The following KASH5 variants were observed in gnomAD, a reference collection of about 807,000 sequenced individuals.
The protein encoded by KASH5 is protein KASH5.
In KASH5, 72 loss-of-function variants were observed where a neutral mutation model predicts 84.2. The observed-to-expected ratio is 0.85, with a 90% CI of 0.71 to 1.04. The LOEUF (loss-of-function observed/expected upper bound fraction) is 1.04, where lower values mean the gene tolerates loss of function less well. Ranked by LOEUF, KASH5 falls within the 50% of genes least tolerant of loss-of-function variation. The pLI, the probability that KASH5 is intolerant of heterozygous loss-of-function variation, is 0.00. For synonymous variants in KASH5, 260 were observed against 279.1 expected, an observed-to-expected ratio of 0.93 and a Z score of 0.68; for missense variants, 650 against 701.0, an observed-to-expected ratio of 0.93 and a Z score of 0.82.
chr19:49,399,089 G>A lies in KASH5; in HGVS notation c.694G>A (p.Ala232Thr), dbSNP rs200512426. Reference protein sequence around the residue: ...DEELEDLKTLARSLEEQNRSL... With the variant: ...DEELEDLKTLTRSLEEQNRSL... Reference sequence around the variant, plus strand: ...GGAGCTGGAGGACCTGAAGACTCTGGCCAGGAGCCTGGAGGAACAGAATCG... The same window carrying A: ...GGAGCTGGAGGACCTGAAGACTCTGACCAGGAGCCTGGAGGAACAGAATCG... Residue 232 changes from alanine to threonine, a missense_variant, in exon 8 of 20, where the codon GCC (alanine) becomes ACC (threonine). Ala to Thr is a moderately conservative substitution (Grantham distance 58, BLOSUM62 0). Transcript: ENST00000447857. This position sits in a 1 kb window ranked among gnomAD's most constrained non-coding sequence, Gnocchi z 4.4. 6.4e-7 allele frequency: 1 copy of A among 1,551,728 alleles called. No homozygotes were observed. Among genetic ancestry groups the A allele is most frequent in the Non-Finnish European group, 8.7e-7 (1 of 1,147,016 alleles).
In KASH5 at chr19:49,416,132, C is replaced by T. The variant is rs543449414; in HGVS notation, c.1375-883C>T. On this transcript the variant is annotated intron_variant, in intron 17 of 19. Transcript: ENST00000447857. The surrounding 1 kb of genome is among the most constrained non-coding windows in gnomAD (Gnocchi z 5.4). ...AATAAAAAATCATATTTCAGTATAG[C>T]AACCATGAGCAATTAGAAAAATAAA... Among the ~76,000 whole-genome samples, 2 of 152,304 alleles carry T rather than the reference C, an allele frequency of 1.3e-5. No individual in the cohort carries two copies. The highest frequency in any genetic ancestry group is 4.8e-5 in the African/African-American group (2 of 41,570).
intron 2 of KASH5, among the ~76,000 whole-genome samples, chr19:49,392,839 G>A (rs768514332): frequency 6.6e-6 from 1 of 151,906 alleles, no homozygotes; most frequent in South Asian, 2.1e-4. Flanking sequence ...TTGAACCTTG[G>A]AGGCAGAAGT....
intron 1 of KASH5, among the ~76,000 whole-genome samples, chr19:49,388,711 C>T (rs1398167699): frequency 6.6e-6 from 1 of 150,554 alleles, no homozygotes; most frequent in East Asian, 1.9e-4. Context: ...AAAAAAAAAT[C>T]CTGACCACAT....
rs1974959164 is a variant in KASH5 at position 49,417,756 on chromosome 19, G to T, written c.*246G>T. The stretch of plus-strand genomic sequence containing the variant: ...ATTATTCCCTCACAAAACAAGCCTG[G>T]CGAGGGCAGCTGTGGGCACACAGCT... On this transcript the variant is annotated 3_prime_UTR_variant, in exon 20 of 20. Coordinates refer to ENST00000447857, the MANE Select transcript of KASH5 (RefSeq NM_144688.5). The surrounding 1 kb of genome is among the most constrained non-coding windows in gnomAD (Gnocchi z 5.2). 2.2e-6 allele frequency: 1 copy of T among 455,044 alleles called. No homozygotes were observed. Among genetic ancestry groups the T allele is most frequent in the Non-Finnish European group, 3.6e-6 (1 of 277,464 alleles). 28.2% of individuals were successfully genotyped at this position (455,044 alleles called of 1,614,324 possible).
intron 15 of KASH5, among the ~76,000 whole-genome samples, chr19:49,411,904 G>A (rs992808681): frequency 6.8e-6 from 1 of 146,314 alleles, no homozygotes; most frequent in Non-Finnish European, 1.5e-5. Flanking sequence ...TGGAAGGAGG[G>A]AGGGAGGGAA....
intron 6 of KASH5, 69 bp downstream of exon 6, chr19:49,397,786 G>A (rs560708116): frequency 1.0e-5 from 16 of 1,558,116 alleles, no homozygotes; most frequent in Non-Finnish European, 1.3e-5. Context: ...GCCGAGGCCC[G>A]GGTAGGGCTT....
intron 9 of KASH5, among the ~76,000 whole-genome samples, chr19:49,401,336 G>A (rs983243469): frequency 6.6e-6 from 1 of 152,122 alleles, no homozygotes; most frequent in Non-Finnish European, 1.5e-5. Flanking sequence ...AGAGAAACAG[G>A]AGAGAGATTC....
chr19:49,395,719 G>T lies in KASH5; in HGVS notation c.336-50G>T. On this transcript the variant is annotated intron_variant, in intron 4 of 19. Coordinates refer to ENST00000447857, the MANE Select transcript of KASH5 (RefSeq NM_144688.5). The surrounding 1 kb of genome is among the most constrained non-coding windows in gnomAD (Gnocchi z 4.4). ...AATCCCCCTGCCTGTGGCTGGTGAGGACTGAGGGGCAGCTACAGTGGGGCG... is the reference window on the plus strand; with the variant it reads ...AATCCCCCTGCCTGTGGCTGGTGAGTACTGAGGGGCAGCTACAGTGGGGCG... The T allele has an allele frequency of 6.5e-7, 1 of 1,529,146 alleles. No individual in the cohort carries two copies. The highest frequency in any genetic ancestry group is 1.2e-5 in the South Asian group (1 of 83,412). The allele number at this position is 1,529,146 out of a possible 1,614,324, so 94.7% of individuals were successfully genotyped here.
At position 49,411,235 on chromosome 19, in the gene KASH5, GCTCT is replaced by G. The variant is rs570003620; in HGVS notation, c.1269+1367_1269+1370del. ...TTACAGGCATGAGCCACTGCTCTGG[GCTCT>G]CTCTCTATTTTTTTTTTTTCTTTTA... On this transcript the variant is annotated intron_variant, in intron 15 of 19. Coordinates refer to ENST00000447857, the MANE Select transcript of KASH5 (RefSeq NM_144688.5). Among the ~76,000 whole-genome samples the G allele has an allele frequency of 5.3e-3, 813 of 152,024 alleles. 16 individuals carry two copies. Among genetic ancestry groups the G allele is most frequent in the Middle Eastern group, 0.017 (5 of 294 alleles).
rs145251871 is a variant in KASH5, at chr19:49,412,512, T to C, written c.1270-456T>C. On this transcript the variant is annotated intron_variant, in intron 15 of 19. Transcript: ENST00000447857. This position sits in a 1 kb window ranked among gnomAD's most constrained non-coding sequence, Gnocchi z 4.6. ...AGTTGGTTGCTGAGGTCAAGGGCAA[T>C]GCCAATATGTCTCTGGAGAAACCGA... is the stretch of plus-strand genomic sequence containing the variant. 3.2e-3 allele frequency among the ~76,000 whole-genome samples: 486 copies of C among 152,224 alleles called. 2 individuals carry two copies. The highest frequency in any genetic ancestry group is 0.011 in the African/African-American group (462 of 41,526).
chr19:49,403,703 A>C (rs1031354226), intron 9 of KASH5, among the ~76,000 whole-genome samples: 1 of 152,176 alleles, frequency 6.6e-6, no homozygotes, highest in Non-Finnish European at 1.5e-5. Context: ...ATCCCTCGAC[A>C]AAAGCAGAAG....
At chr19:49,409,374 T>C in intron 14 of KASH5, 91 bp downstream of exon 14, 1 of 1,318,108 alleles carries the variant, frequency 7.6e-7, no homozygotes, top group East Asian at 2.5e-5. Context: ...AGCCTAGCCC[T>C]AACCCACATT....
Position 49,413,009 on chromosome 19 carries a change from GA to G in KASH5, c.1313del (p.Lys438ArgfsTer7), listed in dbSNP as rs773310004. 1 of 1,613,150 alleles carries G rather than the reference GA, an allele frequency of 6.2e-7. No homozygotes were observed. Among genetic ancestry groups the G allele is most frequent in the Non-Finnish European group, 8.5e-7 (1 of 1,179,844 alleles). ...AGCCAGCGCACCCTGAAGAAGGAAG[GA>G]AGGAGCCATCCATGTGGTAAGGAGC... ...GEPAHPEEGRKEPSMWLTRRE... is the reference protein window; with the variant it reads ...GEPAHPEEGRXEPSMWLTRRE... On this transcript the variant is annotated frameshift_variant, in exon 16 of 20. Coordinates refer to ENST00000447857, the MANE Select transcript of KASH5 (RefSeq NM_144688.5). LOFTEE classifies it high-confidence loss of function.
At position 49,412,324 on chromosome 19, in the gene KASH5, G is replaced by A. The variant is rs1974746623; in HGVS notation, c.1270-644G>A. On this transcript the variant is annotated intron_variant, in intron 15 of 19. Coordinates refer to ENST00000447857, the MANE Select transcript of KASH5 (RefSeq NM_144688.5). The surrounding 1 kb of genome is among the most constrained non-coding windows in gnomAD (Gnocchi z 4.6). Reference sequence around the variant, plus strand: ...GACATAATTGGGGTGGAGGGACAGAGCAGGGGTCAGACGGGATGTGGGTGA... The same window carrying A: ...GACATAATTGGGGTGGAGGGACAGAACAGGGGTCAGACGGGATGTGGGTGA... Among the ~76,000 whole-genome samples the A allele has an allele frequency of 6.6e-6, 1 of 151,944 alleles. No homozygotes were observed. Among genetic ancestry groups the A allele is most frequent in the African/African-American group, 2.4e-5 (1 of 41,368 alleles).
At chr19:49,400,800 G>T (rs1974340596) in intron 9 of KASH5, among the ~76,000 whole-genome samples, 1 of 152,164 alleles carries the variant, frequency 6.6e-6, no homozygotes, top group Non-Finnish European at 1.5e-5. Flanking sequence ...ACTGAGTTCA[G>T]CTTCACATTT....
intron 9 of KASH5, among the ~76,000 whole-genome samples, chr19:49,402,871 A>G (rs1027899985): frequency 6.8e-6 from 1 of 147,812 alleles, no homozygotes; most frequent in Non-Finnish European, 1.5e-5. Flanking sequence ...TGATGACTTC[A>G]ATCTACACGA....
intron 2 of KASH5, chr19:49,393,787 C>T (rs1452650144): frequency 6.6e-6 from 1 of 152,550 alleles, no homozygotes; most frequent in African/African-American, 2.4e-5. Context: ...CTACCCACCC[C>T]CCCAGTAGGG....
Position 49,399,658 on chromosome 19 carries a change from A to G in KASH5, c.798+151A>G. The G allele has an allele frequency of 4.0e-6, 6 of 1,497,146 alleles. No individual in the cohort carries two copies. The highest frequency in any genetic ancestry group is 1.7e-4 in the Middle Eastern group (1 of 5,720). 92.7% of individuals were successfully genotyped at this position (1,497,146 alleles called of 1,614,324 possible). On this transcript the variant is annotated intron_variant, in intron 9 of 19. Coordinates refer to ENST00000447857, the MANE Select transcript of KASH5 (RefSeq NM_144688.5). The surrounding 1 kb of genome is among the most constrained non-coding windows in gnomAD (Gnocchi z 4.4). ...GGGAATGTCCCTGAGGTTATATCACACTGTGAGAACAGCCGTGGTTTACAA... is the reference window on the plus strand; with the variant it reads ...GGGAATGTCCCTGAGGTTATATCACGCTGTGAGAACAGCCGTGGTTTACAA...
At chr19:49,392,745 C>A (rs1347537160) in intron 2 of KASH5, among the ~76,000 whole-genome samples, 4 of 152,152 alleles carry the variant, frequency 2.6e-5, no homozygotes, top group African/African-American at 9.7e-5. Context: ...AACCCCATCT[C>A]TACTAAAAAT....
Sources: gnomAD v4.1 joint callset for allele counts (sites outside exome capture counted in the v4.1 genomes callset) on GRCh38, gnomAD v4.1.1 for gene constraint, Gnocchi (gnomAD v3.1) non-coding constraint, MANE v1.5 for transcripts, NCBI Gene and HGNC (gene_info 2026-07-23, HGNC 2026-07-21) for gene names.